Variants in CRTC3 observed in about 807,000 individuals in gnomAD.
CRTC3 encodes CREB regulated transcription coactivator 3, also known as CREB-regulated transcription coactivator 3.
A neutral mutation model predicts 74.5 loss-of-function variants in CRTC3; 26 were observed. The ratio of observed to expected loss-of-function variants is 0.35; its 90% CI spans 0.26 to 0.48. The LOEUF (loss-of-function observed/expected upper bound fraction) is 0.48, where lower values mean the gene tolerates loss of function less well. CRTC3 is among the 20% of genes least tolerant of loss of function. The pLI, the probability that CRTC3 is intolerant of heterozygous loss-of-function variation, is 0.99. For synonymous variants in CRTC3, 377 were observed against 325.8 expected (o/e 1.16, Z -1.69); for missense variants, 760 against 787.3 (o/e 0.97, Z 0.41).
chr15:90,639,126 C>T (rs1008477769), intron 13 of CRTC3, among the ~76,000 whole-genome samples: 1 of 152,152 alleles, frequency 6.6e-6, no homozygotes, highest in Non-Finnish European at 1.5e-5. Context: ...TCAGCGCCCT[C>T]ATGTTGAAAC....
chr15:90,618,116 G>T (rs915443286), intron 8 of CRTC3, 148 bp downstream of exon 8: 1 of 483,334 alleles, frequency 2.1e-6, no homozygotes, highest in Non-Finnish European at 3.7e-6. Context: ...TACAAGGGAA[G>T]GACGTTTCAA....
chr15:90,563,537 G>T (rs540111175), intron 2 of CRTC3, among the ~76,000 whole-genome samples: 1 of 152,226 alleles, frequency 6.6e-6, no homozygotes, highest in Non-Finnish European at 1.5e-5. Flanking sequence ...GCAAAGCATA[G>T]CCTTGACCGA....
In CRTC3 at chr15:90,642,259, C is replaced by T. The variant is rs1183878045; in HGVS notation, c.*119C>T. ...CTTGACATAGAAGGAAGCAATGCCA[C>T]GGCTCCAGGGTTTCAGATGAGATCC... On this transcript the variant is annotated 3_prime_UTR_variant, in exon 15 of 15. Transcript: ENST00000268184. 20 of 768,896 alleles carry T rather than the reference C, an allele frequency of 2.6e-5. No homozygotes were observed. The highest frequency in any genetic ancestry group is 3.4e-5 in the African/African-American group (2 of 58,204). 47.6% of individuals were successfully genotyped at this position (768,896 alleles called of 1,614,324 possible).
At chr15:90,623,608 G>A (rs62025994) in intron 9 of CRTC3, among the ~76,000 whole-genome samples, 5 of 151,996 alleles carry the variant, frequency 3.3e-5, no homozygotes, top group Non-Finnish European at 7.4e-5. Flanking sequence ...GAGTCATAGC[G>A]GCCTCTCCAC....
At position 90,643,249 on chromosome 15, in the gene CRTC3, C is replaced by T. The variant is rs1969514834; in HGVS notation, c.*1109C>T. 4.3e-6 allele frequency: 1 copy of T among 232,494 alleles called. No homozygotes were observed. Among genetic ancestry groups the T allele is most frequent in the South Asian group, 1.8e-4 (1 of 5,520 alleles). 14.4% of individuals were successfully genotyped at this position (232,494 alleles called of 1,614,324 possible). Reference sequence around the variant, plus strand: ...TGAGTGCGTCCGCCATGCCGTAAGGCAGGCTCACCTGTAGCTATCCCCTTC... The same window carrying T: ...TGAGTGCGTCCGCCATGCCGTAAGGTAGGCTCACCTGTAGCTATCCCCTTC... On this transcript the variant is annotated 3_prime_UTR_variant, in exon 15 of 15. Coordinates refer to ENST00000268184, the MANE Select transcript of CRTC3 (RefSeq NM_022769.5).
At chr15:90,585,688 G>T (rs1250787283) in intron 2 of CRTC3, among the ~76,000 whole-genome samples, 3 of 152,168 alleles carry the variant, frequency 2.0e-5, no homozygotes, top group Non-Finnish European at 2.9e-5. Context: ...ATCTGTAGAA[G>T]GAAAGAGCAG....
chr15:90,577,188 AAG>A (rs1254362788), intron 2 of CRTC3, among the ~76,000 whole-genome samples: 4 of 152,112 alleles, frequency 2.6e-5, no homozygotes, highest in Non-Finnish European at 5.9e-5. Flanking sequence ...TTACCATTAT[AAG>A]TGCTGGGATT....
chr15:90,570,721 G>T (rs539730095), intron 2 of CRTC3, among the ~76,000 whole-genome samples: 5 of 152,180 alleles, frequency 3.3e-5, no homozygotes, highest in Non-Finnish European at 7.3e-5. Flanking sequence ...AAGAGTTCAA[G>T]CCAGTAATTA....
chr15:90,537,884 C>G (rs895521065), intron 1 of CRTC3, among the ~76,000 whole-genome samples: 1 of 152,156 alleles, frequency 6.6e-6, no homozygotes, highest in Non-Finnish European at 1.5e-5. Context: ...CCAGGCTAGC[C>G]GTGTTCTTTT....
At chr15:90,604,086 C>A (rs1364020202) in intron 4 of CRTC3, 1 of 245,528 alleles carries the variant, frequency 4.1e-6, no homozygotes, top group African/African-American at 2.2e-5. Context: ...TCCAAGATTG[C>A]CACGGCGCCC....
Position 90,593,630 on chromosome 15 carries a change from C to G in CRTC3, c.232-6C>G, listed in dbSNP as rs1567176658. ...GAGGCCAACTCTTCTTCCCTTCTCT[C>G]TGCAGCCGTCATTTCACCAAGCTGA... On this transcript the variant is annotated splice_region_variant and splice_polypyrimidine_tract_variant and intron_variant, in intron 2 of 14. Coordinates refer to ENST00000268184, the MANE Select transcript of CRTC3 (RefSeq NM_022769.5). 1 of 1,602,554 alleles carries G rather than the reference C, an allele frequency of 6.2e-7. No homozygotes were observed. The highest frequency in any genetic ancestry group is 8.5e-7 in the Non-Finnish European group (1 of 1,170,276).
In CRTC3 at chr15:90,644,233, TAA is replaced by T; in HGVS notation, c.*2095_*2096del. 1 of 228,854 alleles carries T rather than the reference TAA, an allele frequency of 4.4e-6. No individual in the cohort carries two copies. Among genetic ancestry groups the T allele is most frequent in the Non-Finnish European group, 8.7e-6 (1 of 115,402 alleles). 14.2% of individuals were successfully genotyped at this position (228,854 alleles called of 1,614,324 possible). A position where few individuals can be genotyped will look rare whatever the true frequency, so the allele number is the denominator to read the frequency against. On this transcript the variant is annotated 3_prime_UTR_variant, in exon 15 of 15. Transcript: ENST00000268184. ...GATCTCAGAGGGGGTGGCTTTTTGT[TAA>T]AGAGCCTTCAGTCGCAATGCTACCC...
At chr15:90,641,280 C>T in intron 14 of CRTC3, 81 bp downstream of exon 14, 5 of 982,074 alleles carry the variant, frequency 5.1e-6, no homozygotes, top group Non-Finnish European at 7.9e-6. Context: ...GTTTAAACAA[C>T]ATAATATTAT....
At chr15:90,631,206 G>A (rs1310636417) in intron 11 of CRTC3, among the ~76,000 whole-genome samples, 1 of 152,170 alleles carries the variant, frequency 6.6e-6, no homozygotes, top group Non-Finnish European at 1.5e-5. Flanking sequence ...TAGCCGTGGC[G>A]TGTTGATCGT....
At position 90,557,929 on chromosome 15, in the gene CRTC3, A is replaced by G. The variant is rs371745554; in HGVS notation, c.231+17792A>G. On this transcript the variant is annotated intron_variant, in intron 2 of 14. Coordinates refer to ENST00000268184, the MANE Select transcript of CRTC3 (RefSeq NM_022769.5). Reference sequence around the variant, plus strand: ...ATCAGCCTGCCTCCCAGGGATTGAAATCGTGCCCTGAAACACAGTGACCAA... The same window carrying G: ...ATCAGCCTGCCTCCCAGGGATTGAAGTCGTGCCCTGAAACACAGTGACCAA... Among the ~76,000 whole-genome samples, 37 of 152,172 alleles carry G rather than the reference A, an allele frequency of 2.4e-4. No homozygotes were observed. In the South Asian group the frequency reaches 6.6e-3, roughly 27 times the overall value.
intron 14 of CRTC3, 111 bp from the exon 15 acceptor site, chr15:90,641,821 G>C: frequency 1.2e-6 from 1 of 822,032 alleles, no homozygotes; most frequent in South Asian, 1.6e-5. Context: ...GGGGTGGTCA[G>C]GATGTGTGGG....
intron 2 of CRTC3, among the ~76,000 whole-genome samples, chr15:90,568,000 A>G (rs1187771016): frequency 6.6e-6 from 1 of 152,256 alleles, no homozygotes; most frequent in Non-Finnish European, 1.5e-5. Flanking sequence ...TTCATGGTTC[A>G]TAGGAAGAGG....
At chr15:90,595,578 A>G (rs1439845212) in intron 3 of CRTC3, 1 of 145,590 alleles carries the variant, frequency 6.9e-6, no homozygotes, top group Non-Finnish European at 1.5e-5. Flanking sequence ...AAAAAAAAAA[A>G]CCAATGTATA....
rs151211329 is a variant in CRTC3, at chr15:90,540,083, T to C, written c.177T>C (p.His59=). ...KLQQLRLTQY[H]GGSLPNVSQL... is the part of the protein sequence containing the mutation. ...AGCAACTGCGCCTTACACAGTACCA[T>C]GGAGGATCCTTACCAAATGTGAGCC... Residue 59 remains histidine (H), a synonymous_variant, in exon 2 of 15, where the codon CAT becomes CAC. Coordinates refer to ENST00000268184, the MANE Select transcript of CRTC3 (RefSeq NM_022769.5). The C allele has an allele frequency of 3.6e-5, 58 of 1,613,632 alleles. 1 individual carries two copies. The East Asian group carries it at 1.2e-3, about 33-fold the overall frequency.
Sources: allele counts gnomAD v4.1 joint callset (sites outside exome capture counted in the v4.1 genomes callset), GRCh38; gene constraint gnomAD v4.1.1; transcripts MANE v1.5; gene names NCBI Gene and HGNC (gene_info 2026-07-23, HGNC 2026-07-21).